The following SIGLEC5 variants were observed in gnomAD, a reference collection of about 807,000 sequenced individuals.
SIGLEC5 encodes the protein sialic acid-binding Ig-like lectin 5.
SIGLEC5 carries 34 observed loss-of-function variants against 45.9 expected under a neutral mutation model. The observed-to-expected ratio is 0.74, with a 90% CI of 0.56 to 0.99. The LOEUF is 0.99. SIGLEC5 is among the 50% of genes least tolerant of loss of function. SIGLEC5 has a pLI of 0.00. For missense variants in SIGLEC5, 508 were observed against 629.6 expected, an observed-to-expected ratio of 0.81 and a Z score of 2.07; for synonymous variants, 203 against 258.6, an observed-to-expected ratio of 0.79 and a Z score of 2.06.
intron 8 of SIGLEC5, among the ~76,000 whole-genome samples, chr19:51,618,388 A>G (rs1983143917): frequency 6.9e-6 from 1 of 144,206 alleles, no homozygotes. Flanking sequence ...GAGTAGCTAT[A>G]TTAAGATCCA....
At chr19:51,627,121 C>G in intron 7 of SIGLEC5, 28 bp downstream of exon 7, 1 of 1,576,228 alleles carries the variant, frequency 6.3e-7, no homozygotes, top group Non-Finnish European at 8.7e-7. Flanking sequence ...AAACACCACC[C>G]TGTACCTTCC....
chr19:51,614,615 A>G (rs1982984288), intron 8 of SIGLEC5, among the ~76,000 whole-genome samples: 1 of 152,244 alleles, frequency 6.6e-6, no homozygotes, highest in African/African-American at 2.4e-5. Context: ...TATGTCTATC[A>G]ATAGGTGTGC....
At chr19:51,614,612 A>G (rs938659607) in intron 8 of SIGLEC5, among the ~76,000 whole-genome samples, 1 of 152,256 alleles carries the variant, frequency 6.6e-6, no homozygotes, top group Non-Finnish European at 1.5e-5. Context: ...ACATATGTCT[A>G]TCAATAGGTG....
At position 51,611,912 on chromosome 19, in the gene SIGLEC5, G is replaced by C. The variant is rs1206293961; in HGVS notation, c.*319C>G. 1 of 171,950 alleles carries C rather than the reference G, an allele frequency of 5.8e-6. No individual in the cohort carries two copies. The highest frequency in any genetic ancestry group is 1.2e-5 in the Non-Finnish European group (1 of 81,420). The allele number at this position is 171,950 out of a possible 1,614,324, so 10.7% of individuals were successfully genotyped here. ...CAGAAAGCACTGAGCACAACGCCCT[G>C]TTCCAGGACCCATGTTGGTTGATTT... On this transcript the variant is annotated 3_prime_UTR_variant, in exon 9 of 9. Transcript: ENST00000683636.
chr19:51,619,397 T>C (rs534961209), intron 8 of SIGLEC5, among the ~76,000 whole-genome samples: 1 of 152,280 alleles, frequency 6.6e-6, no homozygotes, highest in South Asian at 2.1e-4. Flanking sequence ...TACATTATTC[T>C]TAAGCACACA....
intron 8 of SIGLEC5, among the ~76,000 whole-genome samples, chr19:51,622,061 A>G (rs960122848): frequency 3.4e-4 from 52 of 152,214 alleles, no homozygotes; most frequent in African/African-American, 1.3e-3. Context: ...ATTGAGCTAT[A>G]GATTCAATGT....
intron 6 of SIGLEC5, 44 bp from the exon 7 acceptor site, chr19:51,627,292 G>C: frequency 6.3e-7 from 1 of 1,586,164 alleles, no homozygotes; most frequent in Non-Finnish European, 8.7e-7. Context: ...CCAGGACTCA[G>C]ACTCTTGTCC....
chr19:51,629,371 C>A lies in SIGLEC5; in HGVS notation c.687G>T (p.Gln229His). Reference protein sequence around the residue: ...GAQVTTERTVQLNVSYAPQTI... With the variant: ...GAQVTTERTVHLNVSYAPQTI... Reference sequence around the variant, plus strand: ...AGCACCACTCACAGGAGACATTGAGCTGGACAGTTCTCTCCGTGGTCACCT... The same window carrying A: ...AGCACCACTCACAGGAGACATTGAGATGGACAGTTCTCTCCGTGGTCACCT... Residue 229 changes from glutamine (Q) to histidine (H), a missense_variant, in exon 3 of 9, where the codon CAG becomes CAT. Physicochemically the swap from Gln to His is conservative, Grantham distance 24. Coordinates refer to ENST00000683636, the MANE Select transcript of SIGLEC5 (RefSeq NM_003830.4). 6 of 1,613,794 alleles carry A rather than the reference C, an allele frequency of 3.7e-6. No individual in the cohort carries two copies. The highest frequency in any genetic ancestry group is 5.1e-6 in the Non-Finnish European group (6 of 1,180,000).
intron 4 of SIGLEC5, 122 bp from the exon 5 acceptor site, chr19:51,628,213 G>C: frequency 2.7e-6 from 3 of 1,126,500 alleles, no homozygotes; most frequent in South Asian, 2.1e-5. Flanking sequence ...ATGCTGGCTT[G>C]ATTGCATCCT....
Position 51,624,831 on chromosome 19 carries a change from G to T in SIGLEC5, c.1464+1201C>A, listed in dbSNP as rs558092508. 7.9e-5 allele frequency among the ~76,000 whole-genome samples: 12 copies of T among 152,240 alleles called. No individual in the cohort carries two copies. In the South Asian group the frequency reaches 2.5e-3, roughly 32 times the overall value. On this transcript the variant is annotated intron_variant, in intron 8 of 8. Transcript: ENST00000683636. ...TAAAAATACAAAAATTAGCCAGGTG[G>T]TGCATGCCTGTAATCCCAGCTACTT...
intron 8 of SIGLEC5, among the ~76,000 whole-genome samples, chr19:51,624,767 G>A (rs1482948498): frequency 4.0e-5 from 6 of 151,842 alleles, no homozygotes; most frequent in African/African-American, 1.5e-4. Flanking sequence ...TCAGGAGTTC[G>A]AGACCACCCT....
chr19:51,620,696 C>G (rs1282141110), intron 8 of SIGLEC5, among the ~76,000 whole-genome samples: 2 of 152,204 alleles, frequency 1.3e-5, no homozygotes, highest in Non-Finnish European at 2.9e-5. Context: ...GTCTACTCAA[C>G]TTTGACCATA....
intron 8 of SIGLEC5, among the ~76,000 whole-genome samples, chr19:51,614,578 A>G (rs190616645): frequency 3.3e-5 from 5 of 152,368 alleles, no homozygotes; most frequent in African/African-American, 1.2e-4. Context: ...CACCAGCATT[A>G]TGCAGGCAAA....
chr19:51,616,905 T>TGAAA (rs1568588478), intron 8 of SIGLEC5, among the ~76,000 whole-genome samples: 1 of 5,040 alleles, frequency 2.0e-4, no homozygotes, highest in Non-Finnish European at 3.6e-4. Context: ...AGTGAGACTG[T>TGAAA]CAAAAAAAAA....
At chr19:51,623,390 A>T (rs1390858167) in intron 8 of SIGLEC5, among the ~76,000 whole-genome samples, 1 of 152,238 alleles carries the variant, frequency 6.6e-6, no homozygotes, top group African/African-American at 2.4e-5. Context: ...GGGAGAAGAT[A>T]TTTATATTTA....
rs551869907 is a variant in SIGLEC5, at chr19:51,628,588, T to C, written c.739+450A>G. 6.9e-4 allele frequency among the ~76,000 whole-genome samples: 105 copies of C among 152,170 alleles called. 1 individual carries two copies. Among genetic ancestry groups the C allele is most frequent in the African/African-American group, 2.4e-3 (99 of 41,520 alleles). On this transcript the variant is annotated intron_variant, in intron 4 of 8. Transcript: ENST00000683636. Reference sequence around the variant, plus strand: ...ATGAGTGTGCACCTGTGTGCGTGTGTGTGTGCGTGTGCGGGTGTACGTACA... The same window carrying C: ...ATGAGTGTGCACCTGTGTGCGTGTGCGTGTGCGTGTGCGGGTGTACGTACA...
At chr19:51,622,372 C>T (rs1983323370) in intron 8 of SIGLEC5, among the ~76,000 whole-genome samples, 2 of 151,330 alleles carry the variant, frequency 1.3e-5, no homozygotes, top group Admixed American at 1.3e-4. Flanking sequence ...ATCTCCTGAC[C>T]TCGTGATCCA....
intron 8 of SIGLEC5, among the ~76,000 whole-genome samples, chr19:51,617,424 C>G (rs2122618880): frequency 6.6e-6 from 1 of 152,078 alleles, no homozygotes; most frequent in South Asian, 2.1e-4. Context: ...TTAAGAATAT[C>G]AGAACCAAAG....
At chr19:51,628,640 T>C (rs1983596223) in intron 4 of SIGLEC5, among the ~76,000 whole-genome samples, 1 of 150,088 alleles carries the variant, frequency 6.7e-6, no homozygotes, top group South Asian at 2.1e-4. Flanking sequence ...TGTATCTGCA[T>C]ATGTGTGTGT....
Sources: gnomAD v4.1 joint callset for allele counts (sites outside exome capture counted in the v4.1 genomes callset) on GRCh38, gnomAD v4.1.1 for gene constraint, MANE v1.5 for transcripts, NCBI Gene and HGNC (gene_info 2026-07-23, HGNC 2026-07-21) for gene names.